CADM1: variants seen among roughly 807,000 people sequenced by gnomAD.
The protein encoded by CADM1 is TSLC-1.
CADM1 carries 15 observed loss-of-function variants against 53.1 expected under a neutral mutation model. The observed-to-expected ratio is 0.28, with a 90% confidence interval of 0.19 to 0.44. The LOEUF (loss-of-function observed/expected upper bound fraction) is 0.44, where lower values mean the gene tolerates loss of function less well. Ranked by LOEUF, CADM1 falls within the 20% of genes least tolerant of loss-of-function variation. The pLI is 1.00. For missense variants in CADM1, 434 were observed against 611.3 expected (o/e 0.71, Z 3.06); for synonymous variants, 281 against 243.0 (o/e 1.16, Z -1.45).
At chr11:115,202,696 A>G (rs771194123) in intron 8 of CADM1, among the ~76,000 whole-genome samples, 24 of 152,210 alleles carry the variant, frequency 1.6e-4, no homozygotes, top group Admixed American at 1.2e-3. Flanking sequence ...ACTAAAGTCA[A>G]TAAGAAGCCA....
At chr11:115,250,282 T>G (rs11215447) in intron 1 of CADM1, among the ~76,000 whole-genome samples, 2 of 152,202 alleles carry the variant, frequency 1.3e-5, no homozygotes, top group Non-Finnish European at 2.9e-5. Context: ...AGATAACATA[T>G]GTATTTCCCT....
chr11:115,389,999 C>T (rs900450785), intron 1 of CADM1, among the ~76,000 whole-genome samples: 4 of 152,094 alleles, frequency 2.6e-5, no homozygotes, highest in Non-Finnish European at 4.4e-5. Context: ...CATAGTCATA[C>T]TAGGAGACAG....
rs1461813512 is a variant in CADM1, at chr11:115,399,821, C to A, written c.124+104450G>T. Among the ~76,000 whole-genome samples the A allele has an allele frequency of 0.014, 3 of 220 alleles. No individual in the cohort carries two copies. The East Asian group carries it at 0.21, about 16-fold the overall frequency. 0.1% of individuals were successfully genotyped at this position (220 alleles called of 152,430 possible). A position where few individuals can be genotyped will look rare whatever the true frequency, so the allele number is the denominator to read the frequency against. ...CTCCAGAAAAATCACATATAGAAACCCTCTTTCACATAGCGTTAGCCAGTT... is the reference window on the plus strand; with the variant it reads ...CTCCAGAAAAATCACATATAGAAACACTCTTTCACATAGCGTTAGCCAGTT... On this transcript the variant is annotated intron_variant, in intron 1 of 11. Transcript: ENST00000331581.
intron 1 of CADM1, among the ~76,000 whole-genome samples, chr11:115,286,402 C>G (rs1044780923): frequency 6.6e-6 from 1 of 152,098 alleles, no homozygotes; most frequent in Non-Finnish European, 1.5e-5. Flanking sequence ...CCAGGAAACA[C>G]CTATTAGCCA....
intron 1 of CADM1, among the ~76,000 whole-genome samples, chr11:115,273,057 A>G (rs1943348267): frequency 6.6e-6 from 1 of 152,178 alleles, no homozygotes; most frequent in African/African-American, 2.4e-5. Context: ...AACCTACTAC[A>G]ACAGCAGACT....
At chr11:115,455,372 GAA>G (rs1250415274) in intron 1 of CADM1, among the ~76,000 whole-genome samples, 1 of 150,820 alleles carries the variant, frequency 6.6e-6, no homozygotes, top group East Asian at 1.9e-4. Context: ...GTATCTCTAA[GAA>G]AAGAGGTACT....
intron 1 of CADM1, among the ~76,000 whole-genome samples, chr11:115,403,104 A>G (rs1406151468): frequency 6.6e-6 from 1 of 152,256 alleles, no homozygotes; most frequent in African/African-American, 2.4e-5. Flanking sequence ...AACGTTGCCA[A>G]TAACAGGATA....
At chr11:115,265,395 C>T (rs1349454572) in intron 1 of CADM1, among the ~76,000 whole-genome samples, 1 of 152,198 alleles carries the variant, frequency 6.6e-6, no homozygotes, top group Non-Finnish European at 1.5e-5. Context: ...CTATAAGATA[C>T]AGGCTATGCC....
chr11:115,223,015 C>T (rs530486251), intron 5 of CADM1, among the ~76,000 whole-genome samples: 10 of 152,118 alleles, frequency 6.6e-5, no homozygotes, highest in African/African-American at 2.2e-4. Context: ...AGAACGGTGC[C>T]AGGGACTGGC....
chr11:115,217,941 G>A lies in CADM1; in HGVS notation c.772C>T (p.Arg258Trp), dbSNP rs753952579. 3.7e-6 allele frequency: 6 copies of A among 1,613,542 alleles called. No individual in the cohort carries two copies. The highest frequency in any genetic ancestry group is 1.6e-4 in the Middle Eastern group (1 of 6,078). Residue 258 changes from arginine (R) to tryptophan (W), a missense_variant, in exon 6 of 12, where the codon CGG (arginine) becomes TGG (tryptophan). Arg to Trp is a moderately radical substitution (Grantham distance 101). Around this residue, in one of 4 missense-constraint regions of CADM1, gnomAD observed 311 missense variants for 435.1 expected, o/e 0.71. Transcript: ENST00000331581. ...GTTAACTCAAGCGCGTCCCCTTCCC[G>A]GGTTAAGCCTTGTAGAGGATAAGTC... ...QMTYPLQGLTREGDALELTCE... is the reference protein window; with the variant it reads ...QMTYPLQGLTWEGDALELTCE...
At chr11:115,465,635 G>C (rs1292025793) in intron 1 of CADM1, among the ~76,000 whole-genome samples, 1 of 152,120 alleles carries the variant, frequency 6.6e-6, no homozygotes. Flanking sequence ...GAAAACGAAG[G>C]TTCAGGCAGG....
chr11:115,333,353 C>T (rs976223596), intron 1 of CADM1, among the ~76,000 whole-genome samples: 2 of 151,984 alleles, frequency 1.3e-5, no homozygotes, highest in East Asian at 1.9e-4. Context: ...GTTGAGAGAT[C>T]GAGAGAGAAA....
chr11:115,288,123 T>C (rs1205861462), intron 1 of CADM1, among the ~76,000 whole-genome samples: 1 of 152,122 alleles, frequency 6.6e-6, no homozygotes, highest in Admixed American at 6.5e-5. Context: ...TGTGAGGAAG[T>C]GTGTTTCATT....
At position 115,430,110 on chromosome 11, in the gene CADM1, C is replaced by G. The variant is rs187041078; in HGVS notation, c.124+74161G>C. Among the ~76,000 whole-genome samples the G allele has an allele frequency of 2.7e-3, 414 of 151,834 alleles. 1 individual carries two copies. Among genetic ancestry groups the G allele is most frequent in the Non-Finnish European group, 4.7e-3 (317 of 67,918 alleles). ...CTTGTAAGGAACCCCGCAAATGAAA[C>G]ATTATGAAAAGAAGGTAATGTCAAG... On this transcript the variant is annotated intron_variant, in intron 1 of 11. Coordinates refer to ENST00000331581, the MANE Select transcript of CADM1 (RefSeq NM_001301043.2).
At chr11:115,295,545 TA>T (rs1279774282) in intron 1 of CADM1, among the ~76,000 whole-genome samples, 793 of 62,016 alleles carry the variant, frequency 0.013, 25 homozygotes, top group East Asian at 0.1. Flanking sequence ...TATATATATA[TA>T]TATAATATAT....
chr11:115,402,058 A>T (rs1344040657), intron 1 of CADM1, among the ~76,000 whole-genome samples: 1 of 152,214 alleles, frequency 6.6e-6, no homozygotes, highest in Non-Finnish European at 1.5e-5. Context: ...GAGAAAAGGC[A>T]GATCCAGAAA....
chr11:115,244,370 A>T (rs1591637956), intron 1 of CADM1, among the ~76,000 whole-genome samples: 1 of 152,240 alleles, frequency 6.6e-6, no homozygotes, highest in African/African-American at 2.4e-5. Flanking sequence ...GACATTACAT[A>T]AAACACTTGC....
chr11:115,218,784 T>C (rs764700815), intron 5 of CADM1, among the ~76,000 whole-genome samples: 2 of 152,138 alleles, frequency 1.3e-5, no homozygotes, highest in East Asian at 3.9e-4. Flanking sequence ...GTGAGGTACT[T>C]AGGAAGGAGA....
intron 1 of CADM1, among the ~76,000 whole-genome samples, chr11:115,453,685 C>T (rs1591259741): frequency 6.6e-6 from 1 of 151,918 alleles, no homozygotes; most frequent in Admixed American, 6.6e-5. Flanking sequence ...TTTTAGTAGA[C>T]ACGGGGTTTT....
Sources: gnomAD v4.1 joint callset for allele counts (sites outside exome capture counted in the v4.1 genomes callset) on GRCh38, gnomAD v4.1.1 for gene constraint, gnomAD v4.1.1 regional missense constraint, MANE v1.5 for transcripts, NCBI Gene and HGNC (gene_info 2026-07-23, HGNC 2026-07-21) for gene names.